ATF3: variants seen among roughly 807,000 people sequenced by gnomAD.
ATF3 encodes activating transcription factor 3, also known as cyclic AMP-dependent transcription factor ATF-3.
Under a neutral mutation model 18.4 loss-of-function variants are expected in ATF3, and 10 were observed. That is an observed-to-expected ratio of 0.54 (90% CI 0.34 to 0.92). ATF3 has a LOEUF of 0.92. Ranked by LOEUF, ATF3 falls within the 40% of genes least tolerant of loss-of-function variation. The probability of loss-of-function intolerance (pLI) is 0.02; values close to 1 mark genes in which losing one functional copy is unlikely to be tolerated. For missense variants in ATF3, 183 were observed against 222.3 expected, an observed-to-expected ratio of 0.82 and a Z score of 1.12; for synonymous variants, 78 against 87.9, an observed-to-expected ratio of 0.89 and a Z score of 0.63.
At chr1:212,616,389 C>A (rs1271707139) in intron 2 of ATF3, among the ~76,000 whole-genome samples, 2 of 152,036 alleles carry the variant, frequency 1.3e-5, no homozygotes, top group Non-Finnish European at 2.9e-5. Flanking sequence ...CTCTGCCTCC[C>A]AGGTTCAAGG....
In ATF3 at chr1:212,619,349, G is replaced by A. The variant is rs781101366; in HGVS notation, c.349-9G>A. 1.2e-6 allele frequency: 2 copies of A among 1,613,034 alleles called. No individual in the cohort carries two copies. Among genetic ancestry groups the A allele is most frequent in the Non-Finnish European group, 1.7e-6 (2 of 1,180,026 alleles). On this transcript the variant is annotated splice_polypyrimidine_tract_variant and intron_variant, in intron 3 of 3. Transcript: ENST00000341491. This position sits in a 1 kb window ranked among gnomAD's most constrained non-coding sequence, Gnocchi z 4.4. ...TCCTTTCTTGATGCCTCTGTTGCTT[G>A]TCCCCCAGGAGTCGGAGAAGCTGGA...
rs11571522 is a variant in ATF3, at chr1:212,610,556, C to G, written c.-5+1626C>G. On this transcript the variant is annotated intron_variant, in intron 1 of 3. Coordinates refer to ENST00000341491, the MANE Select transcript of ATF3 (RefSeq NM_001674.4). ...ACAGCAAAGAAGGCAGCACCCCACGCCCGCAGTGGGGATAAGATACAGCAC... is the reference window on the plus strand; with the variant it reads ...ACAGCAAAGAAGGCAGCACCCCACGGCCGCAGTGGGGATAAGATACAGCAC... 1.8e-3 allele frequency among the ~76,000 whole-genome samples: 281 copies of G among 152,330 alleles called. 1 individual carries two copies. The highest frequency in any genetic ancestry group is 3.4e-3 in the Middle Eastern group (1 of 294).
chr1:212,586,636 T>C (rs1004630135), intron 1 of ATF3, among the ~76,000 whole-genome samples: 10 of 152,200 alleles, frequency 6.6e-5, no homozygotes, highest in African/African-American at 2.2e-4. Flanking sequence ...CACCACAAAG[T>C]AGCTGTCATC....
intron 1 of ATF3, among the ~76,000 whole-genome samples, chr1:212,591,278 G>T (rs1664879481): frequency 1.3e-5 from 2 of 152,184 alleles, no homozygotes; most frequent in African/African-American, 4.8e-5. Flanking sequence ...GTCCTCTCCT[G>T]ACTGTTCTTG....
chr1:212,615,370 A>C, intron 2 of ATF3, 109 bp downstream of exon 2: 4 of 1,367,604 alleles, frequency 2.9e-6, no homozygotes, highest in Non-Finnish European at 4.0e-6. Flanking sequence ...AAACAAACAA[A>C]ACCACTGCCC....
chr1:212,610,674 GT>G (rs1174912740), intron 1 of ATF3, among the ~76,000 whole-genome samples: 3 of 152,006 alleles, frequency 2.0e-5, no homozygotes, highest in Non-Finnish European at 4.4e-5. Flanking sequence ...CTCCATGGCC[GT>G]TTTCTTCGAT....
rs1655330110 is a variant in ATF3 at position 212,620,244 on chromosome 1, C to T, written c.*689C>T. ...CAGCAAGAGGAGGACAGAATTCTCC[C>T]AGCGTTAACACAAAATCCATGGGCA... On this transcript the variant is annotated 3_prime_UTR_variant, in exon 4 of 4. Transcript: ENST00000341491. The T allele has an allele frequency of 6.5e-6, 1 of 153,640 alleles. No homozygotes were observed. Among genetic ancestry groups the T allele is most frequent in the African/African-American group, 2.4e-5 (1 of 41,434 alleles). The allele number at this position is 153,640 out of a possible 1,614,324, so 9.5% of individuals were successfully genotyped here. A position where few individuals can be genotyped will look rare whatever the true frequency, so the allele number is the denominator to read the frequency against.
intron 1 of ATF3, among the ~76,000 whole-genome samples, chr1:212,577,084 C>T (rs1664596366): frequency 6.6e-6 from 1 of 152,062 alleles, no homozygotes; most frequent in African/African-American, 2.4e-5. Flanking sequence ...GGTTGGTAAA[C>T]TCTCTTCATC....
intron 1 of ATF3, among the ~76,000 whole-genome samples, chr1:212,585,394 T>A (rs1214814907): frequency 6.6e-6 from 1 of 152,218 alleles, no homozygotes; most frequent in South Asian, 2.1e-4. Context: ...GCTGGTGCTG[T>A]TGCCTCTGCC....
chr1:212,612,407 G>A (rs1169653258), intron 1 of ATF3, among the ~76,000 whole-genome samples: 5 of 152,148 alleles, frequency 3.3e-5, no homozygotes, highest in Admixed American at 1.3e-4. Flanking sequence ...CAAAGTCCCC[G>A]TGTAGAAGGG....
intron 1 of ATF3, among the ~76,000 whole-genome samples, chr1:212,579,294 G>C (rs1170798628): frequency 6.6e-6 from 1 of 152,170 alleles, no homozygotes; most frequent in East Asian, 1.9e-4. Context: ...TTACAGGCAT[G>C]GCTCCCAGAC....
chr1:212,613,665 A>G (rs999240021), intron 1 of ATF3: 1 of 152,230 alleles, frequency 6.6e-6, no homozygotes, highest in South Asian at 2.1e-4. Flanking sequence ...GACTGTGCTA[A>G]TGACCACAGA....
upstream of ATF3, among the ~76,000 whole-genome samples, chr1:212,607,261 G>A (rs1007313134): frequency 6.6e-6 from 1 of 152,188 alleles, no homozygotes; most frequent in African/African-American, 2.4e-5. Context: ...GTGACCTTCG[G>A]CCGCCTCTCT....
chr1:212,591,240 A>G (rs1664878979), intron 1 of ATF3, among the ~76,000 whole-genome samples: 1 of 152,210 alleles, frequency 6.6e-6, no homozygotes, highest in South Asian at 2.1e-4. Flanking sequence ...CCTGCACCGC[A>G]GTCTCCCCAG....
intron 1 of ATF3, among the ~76,000 whole-genome samples, chr1:212,570,240 T>G (rs1664455463): frequency 6.6e-6 from 1 of 152,172 alleles, no homozygotes; most frequent in Admixed American, 6.5e-5. Context: ...TTTAAAGCAA[T>G]CGAATCTGTC....
At chr1:212,566,386 T>C (rs1274285728) in intron 1 of ATF3, among the ~76,000 whole-genome samples, 19 of 152,194 alleles carry the variant, frequency 1.2e-4, no homozygotes, top group Non-Finnish European at 1.3e-4. Flanking sequence ...AGGACACCCC[T>C]TCTCTGAAAC....
chr1:212,585,821 G>A (rs1664769888), intron 1 of ATF3, among the ~76,000 whole-genome samples: 1 of 152,012 alleles, frequency 6.6e-6, no homozygotes, highest in African/African-American at 2.4e-5. Context: ...TGCATGTAAT[G>A]AGGGTTACTT....
At chr1:212,571,163 G>T (rs779537953) in intron 1 of ATF3, among the ~76,000 whole-genome samples, 12 of 152,026 alleles carry the variant, frequency 7.9e-5, no homozygotes, top group Non-Finnish European at 1.6e-4. Flanking sequence ...CATTCTGTTG[G>T]GTGTGCAGTG....
intron 1 of ATF3, among the ~76,000 whole-genome samples, chr1:212,584,839 G>A (rs896312202): frequency 2.6e-5 from 4 of 152,172 alleles, no homozygotes; most frequent in South Asian, 4.1e-4. Context: ...CTCCAAGTAC[G>A]GCTCCCGGGC....
Sources: allele counts gnomAD v4.1 joint callset (sites outside exome capture counted in the v4.1 genomes callset), GRCh38; gene constraint gnomAD v4.1.1; non-coding constraint Gnocchi (gnomAD v3.1); transcripts MANE v1.5; gene names NCBI Gene and HGNC (gene_info 2026-07-23, HGNC 2026-07-21).